CCDC3: variants seen among roughly 807,000 people sequenced by gnomAD.
CCDC3 encodes the protein coiled-coil domain containing 3, also known as coiled-coil domain-containing protein 3.
In CCDC3, 24 loss-of-function variants were observed where a neutral mutation model predicts 21.4. The observed-to-expected ratio is 1.12, with a 90% CI of 0.81 to 1.58. The LOEUF (loss-of-function observed/expected upper bound fraction) is 1.58. CCDC3 is among the 40% of genes most tolerant of loss of function. The probability of loss-of-function intolerance (pLI) is 0.00; values close to 1 mark genes in which losing one functional copy is unlikely to be tolerated. For synonymous variants in CCDC3, 186 were observed against 166.0 expected, an observed-to-expected ratio of 1.12 and a Z score of -0.93; for missense variants, 425 against 360.9, an observed-to-expected ratio of 1.18 and a Z score of -1.44.
rs1328416826 is a variant in CCDC3 at position 13,041,521 on chromosome 10, T to G, written c.-2+8153A>C. On this transcript the variant is annotated intron_variant, in intron 5 of 6. Coordinates refer to the CCDC3 transcript ENST00000378839. The stretch of plus-strand genomic sequence containing the variant: ...GGCAGATAATTTTTTTTTTTTTTTT[T>G]TTTTTTTTTTTTTTTTTTTTTTGAG... 7.4e-4 allele frequency among the ~76,000 whole-genome samples: 58 copies of G among 78,376 alleles called. 1 individual carries two copies. Among genetic ancestry groups the G allele is most frequent in the African/African-American group, 2.2e-3 (56 of 25,026 alleles). The allele number at this position is 78,376 out of a possible 152,430, so 51.4% of individuals were successfully genotyped here.
chr10:13,039,267 TCAAAAAATAGCTGGGTGTGGTGGAG>T (rs1199166482), intron 5 of CCDC3, among the ~76,000 whole-genome samples: 1 of 151,860 alleles, frequency 6.6e-6, no homozygotes, highest in African/African-American at 2.4e-5. Flanking sequence ...CCCGCATATC[TCAAAAAATAGCTGGGTGTGGTGGAG>T]CACACCTGTA....
intron 5 of CCDC3, among the ~76,000 whole-genome samples, chr10:13,018,812 T>C (rs886772685): frequency 1.3e-5 from 2 of 151,836 alleles, no homozygotes; most frequent in Non-Finnish European, 2.9e-5. Context: ...TGAGTGCTTC[T>C]AATCTCAGCT....
At chr10:12,916,425 T>C (rs1834357974) in intron 2 of CCDC3, among the ~76,000 whole-genome samples, 1 of 60,106 alleles carries the variant, frequency 1.7e-5, no homozygotes, top group Non-Finnish European at 3.1e-5. Flanking sequence ...AGACTCCATC[T>C]CAAAAAAAAA....
At chr10:12,986,032 C>T (rs535680072) in intron 2 of CCDC3, among the ~76,000 whole-genome samples, 7 of 152,288 alleles carry the variant, frequency 4.6e-5, no homozygotes, top group South Asian at 2.1e-4. Context: ...CCCGCCACCA[C>T]GCCCAGTTAA....
At chr10:12,901,483 C>T (rs7096623) in intron 2 of CCDC3, among the ~76,000 whole-genome samples, 18,442 of 152,046 alleles carry the variant, frequency 0.12, 1,348 homozygotes, top group East Asian at 0.23. Context: ...CCATATTGGC[C>T]AGGATGGTCT....
At chr10:12,902,162 G>T (rs1189943651) in intron 2 of CCDC3, among the ~76,000 whole-genome samples, 1 of 152,198 alleles carries the variant, frequency 6.6e-6, no homozygotes, top group Non-Finnish European at 1.5e-5. Context: ...CATCCTTGCT[G>T]CCCTGGCCTT....
At chr10:13,089,624 C>T (rs145076558) in intron 3 of CCDC3, among the ~76,000 whole-genome samples, 34 of 151,028 alleles carry the variant, frequency 2.3e-4, no homozygotes, top group Non-Finnish European at 3.5e-4. Flanking sequence ...TCTTTCAGCA[C>T]CCCCCCTTAA....
chr10:13,022,251 CT>C (rs943341530), intron 5 of CCDC3, among the ~76,000 whole-genome samples: 5 of 152,098 alleles, frequency 3.3e-5, no homozygotes, highest in African/African-American at 1.2e-4. Context: ...TCCTCTCTCT[CT>C]TTTTTTCACC....
chr10:13,035,259 T>C (rs915489345), intron 5 of CCDC3, among the ~76,000 whole-genome samples: 5 of 152,096 alleles, frequency 3.3e-5, no homozygotes, highest in African/African-American at 4.8e-5. Flanking sequence ...TCTTAGGTTA[T>C]TTTTTCTGCT....
At chr10:13,033,573 A>C (rs1836334440) in intron 5 of CCDC3, among the ~76,000 whole-genome samples, 1 of 152,204 alleles carries the variant, frequency 6.6e-6, no homozygotes, top group Admixed American at 6.5e-5. Context: ...AATGGGAGAA[A>C]ATTTTTACAA....
At chr10:13,077,527 AC>A (rs1247435911) in intron 3 of CCDC3, among the ~76,000 whole-genome samples, 1 of 152,232 alleles carries the variant, frequency 6.6e-6, no homozygotes, top group African/African-American at 2.4e-5. Flanking sequence ...TTCATATGGA[AC>A]CAAAAAAGAG....
At chr10:12,900,954 G>T (rs942854906) in intron 2 of CCDC3, among the ~76,000 whole-genome samples, 1 of 152,118 alleles carries the variant, frequency 6.6e-6, no homozygotes, top group Non-Finnish European at 1.5e-5. Context: ...ATAGCCGATA[G>T]CCCTAAGCTG....
intron 2 of CCDC3, among the ~76,000 whole-genome samples, chr10:12,903,018 C>G (rs1834116638): frequency 1.3e-5 from 2 of 152,314 alleles, no homozygotes; most frequent in African/African-American, 2.4e-5. Context: ...ACATGTCATT[C>G]TTTGGTCCTC....
At chr10:13,001,733 C>T (rs1835860261), upstream of CCDC3, 2 of 375,134 alleles carry the variant, frequency 5.3e-6, no homozygotes, top group African/African-American at 2.2e-5. Context: ...TGGCGCGCCA[C>T]GCTTTAAAAG....
intron 4 of CCDC3, among the ~76,000 whole-genome samples, chr10:13,056,466 CCA>C (rs1836682807): frequency 6.6e-6 from 1 of 152,218 alleles, no homozygotes. Context: ...TCGTCCGGAA[CCA>C]CATACATTAC....
intron 2 of CCDC3, among the ~76,000 whole-genome samples, chr10:12,915,309 T>TTGGATGGAATGTTATATATA (rs1834334749): frequency 6.6e-6 from 1 of 152,236 alleles, no homozygotes; most frequent in South Asian, 2.1e-4. Flanking sequence ...TCTGCTGCTG[T>TTGGATGGAATGTTATATATA]TGGATGGAAT....
chr10:13,037,825 A>G (rs890273248), intron 5 of CCDC3, among the ~76,000 whole-genome samples: 1 of 152,118 alleles, frequency 6.6e-6, no homozygotes, highest in Non-Finnish European at 1.5e-5. Flanking sequence ...TTTCCAGAGG[A>G]GCATCCTTTG....
intron 2 of CCDC3, among the ~76,000 whole-genome samples, chr10:12,931,069 G>T (rs1253153177): frequency 1.3e-5 from 2 of 151,956 alleles, no homozygotes; most frequent in African/African-American, 4.8e-5. Flanking sequence ...AAATTAGCTG[G>T]ACATGGTGGC....
chr10:13,097,243 T>C (rs1832638089), intron 3 of CCDC3, among the ~76,000 whole-genome samples: 1 of 152,162 alleles, frequency 6.6e-6, no homozygotes, highest in African/African-American at 2.4e-5. Context: ...CATCTACCCA[T>C]GGAAGTGTGC....
Sources: gnomAD v4.1 joint callset for allele counts (sites outside exome capture counted in the v4.1 genomes callset) on GRCh38, gnomAD v4.1.1 for gene constraint, MANE v1.5 for transcripts, NCBI Gene and HGNC (gene_info 2026-07-23, HGNC 2026-07-21) for gene names.